The following CDH13 variants were observed in gnomAD, a reference collection of about 807,000 sequenced individuals.
CDH13 encodes the protein cadherin 13, also known as cadherin-13.
Under a neutral mutation model 63.8 loss-of-function variants are expected in CDH13, and 24 were observed. That is an observed-to-expected ratio of 0.38 (90% confidence interval 0.27 to 0.53). CDH13 has a LOEUF of 0.53. Ranked by LOEUF, CDH13 falls within the 20% of genes least tolerant of loss-of-function variation. The pLI is 0.85. For synonymous variants in CDH13, 503 were observed against 355.3 expected (o/e 1.42, Z -4.67); for missense variants, 1,049 against 903.1 (o/e 1.16, Z -2.07).
intron 1 of CDH13, among the ~76,000 whole-genome samples, chr16:82,748,725 G>A (rs151289760): frequency 1.8e-4 from 27 of 152,238 alleles, no homozygotes; most frequent in Non-Finnish European, 2.2e-4. Context: ...TGGGGTACAC[G>A]TAGAAGCCCA....
At chr16:82,969,078 G>T (rs757118034) in intron 2 of CDH13, among the ~76,000 whole-genome samples, 11 of 152,180 alleles carry the variant, frequency 7.2e-5, no homozygotes, top group Non-Finnish European at 1.3e-4. Context: ...CTGCACTCCA[G>T]CCTGGGCAAC....
intron 1 of CDH13, among the ~76,000 whole-genome samples, chr16:82,773,894 C>T (rs1177088909): frequency 6.6e-6 from 1 of 151,942 alleles, no homozygotes; most frequent in Non-Finnish European, 1.5e-5. Context: ...AGCAATTCTC[C>T]TGCTTCAGCC....
chr16:83,101,279 A>G (rs1297505268), intron 3 of CDH13, among the ~76,000 whole-genome samples: 1 of 150,610 alleles, frequency 6.6e-6, no homozygotes, highest in Non-Finnish European at 1.5e-5. Context: ...ATACATATAC[A>G]GATATATACT....
At chr16:83,574,387 C>T (rs1474451059) in intron 7 of CDH13, among the ~76,000 whole-genome samples, 1 of 152,162 alleles carries the variant, frequency 6.6e-6, no homozygotes, top group Non-Finnish European at 1.5e-5. Context: ...AGGGAGAGCC[C>T]TCCAGGCCCT....
chr16:83,591,703 C>T lies in CDH13; in HGVS notation c.961-10751C>T, dbSNP rs554603486. ...TAACCTGAAGCCACTGAAAAGCCAC[C>T]GAAGCACTCCCAGTTAGTAGACAGC... On this transcript the variant is annotated intron_variant, in intron 7 of 13. Coordinates refer to ENST00000567109, the MANE Select transcript of CDH13 (RefSeq NM_001257.5). 5.3e-5 allele frequency among the ~76,000 whole-genome samples: 8 copies of T among 152,272 alleles called. No homozygotes were observed. In the South Asian group the frequency reaches 8.3e-4, roughly 16 times the overall value.
chr16:83,042,918 G>A (rs1374837091), intron 3 of CDH13, among the ~76,000 whole-genome samples: 1 of 152,196 alleles, frequency 6.6e-6, no homozygotes, highest in Non-Finnish European at 1.5e-5. Flanking sequence ...AATATGCCCT[G>A]ATTTAACAAG....
At chr16:82,994,634 A>G (rs1912009819) in intron 2 of CDH13, among the ~76,000 whole-genome samples, 1 of 152,198 alleles carries the variant, frequency 6.6e-6, no homozygotes, top group Non-Finnish European at 1.5e-5. Flanking sequence ...TCTTTTTAAA[A>G]ATTAATCAAG....
chr16:83,500,287 TC>T (rs759122177), intron 7 of CDH13, among the ~76,000 whole-genome samples: 167 of 2,744 alleles, frequency 0.061, 13 homozygotes, highest in East Asian at 0.6. Flanking sequence ...TTCTTCTTCT[TC>T]TTCTTCTCCT....
In CDH13 at chr16:83,356,212, A is replaced by ATGTGTGTGTGTG. The variant is rs10525181; in HGVS notation, c.781+11248_781+11259dup. Among the ~76,000 whole-genome samples the ATGTGTGTGTGTG allele has an allele frequency of 1.5e-4, 21 of 138,756 alleles. No homozygotes were observed. In the East Asian group the frequency reaches 1.6e-3, roughly 10 times the overall value. The allele number at this position is 138,756 out of a possible 152,430, so 91.0% of individuals were successfully genotyped here. A position where few individuals can be genotyped will look rare whatever the true frequency, so the allele number is the denominator to read the frequency against. On this transcript the variant is annotated intron_variant, in intron 6 of 13. Coordinates refer to ENST00000567109, the MANE Select transcript of CDH13 (RefSeq NM_001257.5). Reference sequence around the variant, plus strand: ...CAGATGAGTGAGTTTATTTATTTTCATGTGTGTGTGTGTGTGTGTGTGTGT... The same window carrying ATGTGTGTGTGTG: ...CAGATGAGTGAGTTTATTTATTTTCATGTGTGTGTGTGTGTGTGTGTGTGTGTGTGTGTGTGT...
intron 2 of CDH13, among the ~76,000 whole-genome samples, chr16:83,019,086 A>G (rs1248127565): frequency 6.6e-6 from 1 of 152,230 alleles, no homozygotes; most frequent in East Asian, 1.9e-4. Context: ...TTCTTCAATC[A>G]TAAATTAACT....
At chr16:83,511,419 G>C (rs147904462) in intron 7 of CDH13, among the ~76,000 whole-genome samples, 10 of 151,380 alleles carry the variant, frequency 6.6e-5, no homozygotes, top group Non-Finnish European at 8.8e-5. Flanking sequence ...CTGAGATCAC[G>C]CCACTGCACA....
chr16:83,596,703 GC>G (rs915537012), intron 7 of CDH13, among the ~76,000 whole-genome samples: 1 of 152,152 alleles, frequency 6.6e-6, no homozygotes, highest in Non-Finnish European at 1.5e-5. Flanking sequence ...TAGGTCAGAG[GC>G]AAGTGGAAGG....
At chr16:82,890,945 C>A (rs1215860698) in intron 2 of CDH13, among the ~76,000 whole-genome samples, 1 of 152,012 alleles carries the variant, frequency 6.6e-6, no homozygotes, top group Non-Finnish European at 1.5e-5. Flanking sequence ...AGCCACTGTG[C>A]CTGGCCGGCA....
At chr16:83,718,299 C>T (rs1009021996) in intron 10 of CDH13, among the ~76,000 whole-genome samples, 1 of 152,204 alleles carries the variant, frequency 6.6e-6, no homozygotes, top group Non-Finnish European at 1.5e-5. Context: ...CCCCAAACGC[C>T]AGTGAGTCCT....
chr16:82,844,240 G>T (rs115764174), intron 1 of CDH13, among the ~76,000 whole-genome samples: 2 of 152,144 alleles, frequency 1.3e-5, no homozygotes, highest in South Asian at 4.1e-4. Context: ...CTGCTGGCTT[G>T]AATGAAGAAG....
chr16:83,698,365 A>G (rs554412156), intron 10 of CDH13, among the ~76,000 whole-genome samples: 15 of 152,362 alleles, frequency 9.8e-5, no homozygotes, highest in African/African-American at 2.6e-4. Flanking sequence ...TGGGCTTAAA[A>G]AGATACAAGA....
intron 8 of CDH13, among the ~76,000 whole-genome samples, chr16:83,650,367 A>G (rs564160002): frequency 1.3e-5 from 2 of 152,216 alleles, no homozygotes; most frequent in African/African-American, 2.4e-5. Context: ...ATCTGATTCA[A>G]TTACCCCAGA....
chr16:82,947,093 C>A (rs1159976678), intron 2 of CDH13, among the ~76,000 whole-genome samples: 2 of 151,474 alleles, frequency 1.3e-5, no homozygotes, highest in African/African-American at 4.9e-5. Flanking sequence ...TTATTCCTCT[C>A]TCTGATTACT....
At chr16:83,213,050 G>T (rs958651496) in intron 4 of CDH13, among the ~76,000 whole-genome samples, 8 of 152,140 alleles carry the variant, frequency 5.3e-5, no homozygotes, top group Non-Finnish European at 1.2e-4. Context: ...CAGGAGGCAG[G>T]TTCAGCAGCC....
Sources: allele counts gnomAD v4.1 joint callset (sites outside exome capture counted in the v4.1 genomes callset), GRCh38; gene constraint gnomAD v4.1.1; transcripts MANE v1.5; gene names NCBI Gene and HGNC (gene_info 2026-07-23, HGNC 2026-07-21).